The following ZNF277 variants were observed in gnomAD, a reference collection of about 807,000 sequenced individuals.
The protein encoded by ZNF277 is zinc finger protein 277.
ZNF277 carries 55 observed loss-of-function variants against 60.7 expected under a neutral mutation model. The ratio of observed to expected loss-of-function variants is 0.91; its 90% CI spans 0.73 to 1.13. ZNF277 has a LOEUF of 1.13. Among genes scored for constraint, ZNF277 ranks in the 50% most tolerant of loss-of-function variants. ZNF277 has a pLI of 0.00. For synonymous variants in ZNF277, 178 were observed against 179.3 expected (o/e 0.99, Z 0.06); for missense variants, 510 against 523.0 (o/e 0.98, Z 0.24).
At chr7:112,219,483 C>T (rs917064228) in intron 1 of ZNF277, among the ~76,000 whole-genome samples, 11 of 152,056 alleles carry the variant, frequency 7.2e-5, no homozygotes, top group African/African-American at 2.4e-4. Flanking sequence ...ATTGTCCTTT[C>T]CCCCATTATG....
At chr7:112,307,867 A>G (rs1209593680) in intron 4 of ZNF277, among the ~76,000 whole-genome samples, 1 of 151,928 alleles carries the variant, frequency 6.6e-6, no homozygotes, top group African/African-American at 2.4e-5. Flanking sequence ...AAATACATAC[A>G]TACATATGTA....
chr7:112,208,001 T>G (rs1821606576), intron 1 of ZNF277, among the ~76,000 whole-genome samples: 1 of 152,204 alleles, frequency 6.6e-6, no homozygotes, highest in Non-Finnish European at 1.5e-5. Context: ...TAACAGACTA[T>G]TACGGTTTCC....
At chr7:112,230,367 G>A (rs1372020540) in intron 1 of ZNF277, among the ~76,000 whole-genome samples, 1 of 152,154 alleles carries the variant, frequency 6.6e-6, no homozygotes, top group Non-Finnish European at 1.5e-5. Context: ...AGTCCAAACT[G>A]GATGCCCAGC....
chr7:112,275,450 A>T (rs554052154), intron 1 of ZNF277, among the ~76,000 whole-genome samples: 77 of 152,322 alleles, frequency 5.1e-4, no homozygotes, highest in Admixed American at 3.2e-3. Flanking sequence ...TTCATCCTTC[A>T]TTTCATTTCC....
chr7:112,272,948 G>A (rs998728084), intron 1 of ZNF277, among the ~76,000 whole-genome samples: 1 of 152,068 alleles, frequency 6.6e-6, no homozygotes, highest in African/African-American at 2.4e-5. Flanking sequence ...TTTTAACTGG[G>A]GTGAGATGAT....
intron 4 of ZNF277, among the ~76,000 whole-genome samples, chr7:112,301,063 A>G (rs576190781): frequency 3.8e-4 from 58 of 152,302 alleles, no homozygotes; most frequent in African/African-American, 1.3e-3. Context: ...ATCTGTTAAT[A>G]TTAATAAATA....
rs573420560 is a variant in ZNF277 at position 112,327,371 on chromosome 7, G to A, written c.558-346G>A. On this transcript the variant is annotated intron_variant, in intron 5 of 11. Coordinates refer to ENST00000361822, the MANE Select transcript of ZNF277 (RefSeq NM_021994.3). Reference sequence around the variant, plus strand: ...CTGATCTGACAGGAGGCGGAGCGCAGGTGGTAATGCTCACTTTCCCGCCTC... The same window carrying A: ...CTGATCTGACAGGAGGCGGAGCGCAAGTGGTAATGCTCACTTTCCCGCCTC... Among the ~76,000 whole-genome samples the A allele has an allele frequency of 2.4e-3, 369 of 152,328 alleles. 3 individuals are homozygous for A. The highest frequency in any genetic ancestry group is 6.8e-3 in the Middle Eastern group (2 of 294).
rs575991993 is a variant in ZNF277 at position 112,335,619 on chromosome 7, T to A, written c.802-485T>A. Among the ~76,000 whole-genome samples the A allele has an allele frequency of 2.8e-4, 43 of 152,330 alleles. No individual in the cohort carries two copies. In the East Asian group the frequency reaches 5.8e-3, roughly 21 times the overall value. The stretch of plus-strand genomic sequence containing the variant: ...CTTAAAAAAACCTTTTGAGGTAGAA[T>A]CTAAATTGACCTCAAGTGTATTTTT... On this transcript the variant is annotated intron_variant, in intron 7 of 11. Transcript: ENST00000361822.
chr7:112,341,147 T>A (rs1793437497), intron 11 of ZNF277, 101 bp downstream of exon 11: 1 of 1,147,836 alleles, frequency 8.7e-7, no homozygotes, highest in African/African-American at 1.6e-5. Context: ...GGAATACATA[T>A]TTATTATAAA....
intron 1 of ZNF277, among the ~76,000 whole-genome samples, chr7:112,276,663 A>T (rs1235598242): frequency 3.3e-5 from 5 of 152,204 alleles, no homozygotes; most frequent in Admixed American, 3.3e-4. Context: ...ATAGAAAATT[A>T]ATTATAGCAA....
At chr7:112,228,243 C>G (rs1003789405) in intron 1 of ZNF277, among the ~76,000 whole-genome samples, 3 of 152,034 alleles carry the variant, frequency 2.0e-5, no homozygotes, top group African/African-American at 4.8e-5. Flanking sequence ...TCAGGATGCT[C>G]TCAAGATCCT....
At chr7:112,291,133 A>G (rs1037686979) in intron 2 of ZNF277, among the ~76,000 whole-genome samples, 4 of 152,310 alleles carry the variant, frequency 2.6e-5, no homozygotes, top group East Asian at 1.9e-4. Context: ...TCCATTTAAC[A>G]TAGTTATTTA....
chr7:112,273,395 T>TTCTCTC (rs1791724692), intron 1 of ZNF277, among the ~76,000 whole-genome samples: 1 of 152,118 alleles, frequency 6.6e-6, no homozygotes, highest in East Asian at 1.9e-4. Flanking sequence ...AACATACAGA[T>TTCTCTC]TCTCTCTCCA....
intron 1 of ZNF277, among the ~76,000 whole-genome samples, chr7:112,234,319 A>T (rs1298133566): frequency 6.6e-6 from 1 of 152,164 alleles, no homozygotes; most frequent in African/African-American, 2.4e-5. Context: ...TTTATTTCTC[A>T]TGGTTCTGGG....
chr7:112,253,829 T>C (rs916170538), intron 1 of ZNF277, among the ~76,000 whole-genome samples: 5 of 152,222 alleles, frequency 3.3e-5, no homozygotes, highest in Non-Finnish European at 4.4e-5. Flanking sequence ...TGTACCTTAA[T>C]TTACAGAAAT....
At chr7:112,208,350 G>C (rs1821631661) in intron 1 of ZNF277, among the ~76,000 whole-genome samples, 1 of 152,100 alleles carries the variant, frequency 6.6e-6, no homozygotes, top group East Asian at 1.9e-4. Flanking sequence ...CTCCAGCCTG[G>C]GAGGCAGAGC....
At chr7:112,342,215 C>G (rs1460894376) in intron 11 of ZNF277, among the ~76,000 whole-genome samples, 1 of 151,826 alleles carries the variant, frequency 6.6e-6, no homozygotes, top group East Asian at 1.9e-4. Flanking sequence ...CTAGATCTAC[C>G]CACTACTGGG....
intron 11 of ZNF277, 46 bp from the exon 12 acceptor site, chr7:112,342,515 G>A: frequency 6.7e-7 from 1 of 1,492,898 alleles, no homozygotes; most frequent in Non-Finnish European, 9.0e-7. Flanking sequence ...CCTGGACACT[G>A]TATTAGCTTG....
intron 1 of ZNF277, among the ~76,000 whole-genome samples, chr7:112,265,484 A>G (rs1382850081): frequency 6.6e-6 from 1 of 152,138 alleles, no homozygotes; most frequent in Non-Finnish European, 1.5e-5. Context: ...CACTGATCAC[A>G]GATCGCCATA....
Sources: allele counts gnomAD v4.1 joint callset (sites outside exome capture counted in the v4.1 genomes callset), GRCh38; gene constraint gnomAD v4.1.1; transcripts MANE v1.5; gene names NCBI Gene and HGNC (gene_info 2026-07-23, HGNC 2026-07-21).